SOX5: variants seen among roughly 807,000 people sequenced by gnomAD.
The protein encoded by SOX5 is transcription factor SOX-5.
A neutral mutation model predicts 92.0 loss-of-function variants in SOX5; 9 were observed. The observed-to-expected ratio is 0.10, with a 90% CI of 0.06 to 0.17. The LOEUF is 0.17. Among genes scored for constraint, SOX5 ranks in the 10% least tolerant of loss-of-function variants. The pLI, the probability that SOX5 is intolerant of heterozygous loss-of-function variation, is 1.00. For synonymous variants in SOX5, 344 were observed against 336.3 expected (o/e 1.02, Z -0.25); for missense variants, 642 against 944.5 (o/e 0.68, Z 4.20).
chr12:24,376,481 G>A (rs1245067247), intron 1 of SOX5, among the ~76,000 whole-genome samples: 2 of 151,998 alleles, frequency 1.3e-5, no homozygotes, highest in Admixed American at 1.3e-4. Flanking sequence ...ATGAATATAG[G>A]CACCAAAAAG....
chr12:24,522,937 AAAAAAGATATCC>A (rs1480397507), intron 1 of SOX5, among the ~76,000 whole-genome samples: 1 of 152,176 alleles, frequency 6.6e-6, no homozygotes, highest in Non-Finnish European at 1.5e-5. Flanking sequence ...CGTAAGGAAA[AAAAAAGATATCC>A]AAATCAGAAA....
intron 3 of SOX5, among the ~76,000 whole-genome samples, chr12:23,777,697 G>T (rs948237207): frequency 6.6e-6 from 1 of 151,802 alleles, no homozygotes; most frequent in African/African-American, 2.4e-5. Context: ...TTCCTTTACT[G>T]CAGAGTCACA....
chr12:24,481,645 A>T (rs1946011607), intron 1 of SOX5, among the ~76,000 whole-genome samples: 1 of 152,240 alleles, frequency 6.6e-6, no homozygotes, highest in African/African-American at 2.4e-5. Context: ...TCAGAGCTAC[A>T]CAATTCCTAT....
At chr12:24,225,259 G>T (rs1324624725) in intron 3 of SOX5, among the ~76,000 whole-genome samples, 1 of 152,096 alleles carries the variant, frequency 6.6e-6, no homozygotes, top group African/African-American at 2.4e-5. Flanking sequence ...AAATCAGCTT[G>T]CCTACCAGTA....
chr12:24,501,600 C>A lies in SOX5; in HGVS notation c.-251+60729G>T, dbSNP rs1023618001. Among the ~76,000 whole-genome samples the A allele has an allele frequency of 2.0e-5, 3 of 152,004 alleles. No homozygotes were observed. The South Asian group carries it at 6.2e-4, about 32-fold the overall frequency. On this transcript the variant is annotated intron_variant, in intron 1 of 4. Transcript: ENST00000446891. ...CAACACTTTGGGAGGCTGAGGTGAG[C>A]GGATTGCTTGAGGTCAGGAGTTTGA...
chr12:24,374,743 G>A (rs1957079250), intron 1 of SOX5, among the ~76,000 whole-genome samples: 1 of 152,176 alleles, frequency 6.6e-6, no homozygotes, highest in South Asian at 2.1e-4. Context: ...GAAGGACACA[G>A]AGGTCAACTC....
Position 23,970,840 on chromosome 12 carries a change from A to ATTTTTTTTTTTTTT in SOX5, c.-1-74817_-1-74816insAAAAAAAAAAAAAA. Among the ~76,000 whole-genome samples, 75 of 33,480 alleles carry ATTTTTTTTTTTTTT rather than the reference A, an allele frequency of 2.2e-3. 19 individuals are homozygous for ATTTTTTTTTTTTTT. Among genetic ancestry groups the ATTTTTTTTTTTTTT allele is most frequent in the Middle Eastern group, 0.029 (2 of 68 alleles). The allele number at this position is 33,480 out of a possible 152,430, so 22.0% of individuals were successfully genotyped here. A position where few individuals can be genotyped will look rare whatever the true frequency, so the allele number is the denominator to read the frequency against. ...CACATGGGACTTTATATATATATAT[A>ATTTTTTTTTTTTTT]ATTTTTTTTTTTTTTTAAGAAATGG... On this transcript the variant is annotated intron_variant, in intron 4 of 4. Coordinates refer to the SOX5 transcript ENST00000446891.
At chr12:24,042,497 T>C (rs1956620619) in intron 4 of SOX5, among the ~76,000 whole-genome samples, 1 of 152,120 alleles carries the variant, frequency 6.6e-6, no homozygotes, top group African/African-American at 2.4e-5. Flanking sequence ...TCAGCTATTC[T>C]GAAGTGTGAC....
intron 10 of SOX5, among the ~76,000 whole-genome samples, chr12:23,566,376 T>A (rs1476234470): frequency 6.6e-6 from 1 of 152,208 alleles, no homozygotes; most frequent in African/African-American, 2.4e-5. Context: ...CTGTTGCAAT[T>A]GGTCTCTAGT....
At chr12:24,220,579 AC>A (rs561365772) in intron 3 of SOX5, among the ~76,000 whole-genome samples, 235 of 152,298 alleles carry the variant, frequency 1.5e-3, no homozygotes, top group African/African-American at 5.5e-3. Flanking sequence ...TATTATTTAA[AC>A]GGGGCAAAAA....
chr12:24,312,260 G>C (rs1328734840), intron 2 of SOX5, among the ~76,000 whole-genome samples: 3 of 152,092 alleles, frequency 2.0e-5, no homozygotes, highest in African/African-American at 7.2e-5. Context: ...TGATCACCTA[G>C]CTCCCCTCTC....
At chr12:24,557,517 G>T (rs986449147) in intron 1 of SOX5, among the ~76,000 whole-genome samples, 1 of 152,088 alleles carries the variant, frequency 6.6e-6, no homozygotes, top group Non-Finnish European at 1.5e-5. Flanking sequence ...ACCTACAAAT[G>T]AGATAGCCTT....
At chr12:23,605,292 G>A (rs1021188075) in intron 8 of SOX5, among the ~76,000 whole-genome samples, 7 of 151,646 alleles carry the variant, frequency 4.6e-5, no homozygotes, top group African/African-American at 1.2e-4. Context: ...AATGATAGCC[G>A]TATGATGTAT....
rs913356286 is a variant in SOX5 at position 24,340,848 on chromosome 12, T to A, written c.-174+27715A>T. On this transcript the variant is annotated intron_variant, in intron 2 of 4. Coordinates refer to the SOX5 transcript ENST00000446891. ...AAGGGAAGCCTAATTGTCTGAAGGA[T>A]TTTTTGTTGTTGTTGTTAGTTCATT... Among the ~76,000 whole-genome samples, 34 of 152,300 alleles carry A rather than the reference T, an allele frequency of 2.2e-4. 1 individual carries two copies. The highest frequency in any genetic ancestry group is 1.7e-3 in the East Asian group (9 of 5,178).
intron 4 of SOX5, among the ~76,000 whole-genome samples, chr12:24,090,736 C>T (rs1033212424): frequency 4.6e-5 from 7 of 152,170 alleles, no homozygotes; most frequent in South Asian, 2.1e-4. Flanking sequence ...ATAGTACTTT[C>T]AGGGTAATTG....
At chr12:23,796,458 T>C (rs1003608864) in intron 3 of SOX5, among the ~76,000 whole-genome samples, 6 of 152,104 alleles carry the variant, frequency 3.9e-5, no homozygotes, top group African/African-American at 1.4e-4. Context: ...ATAGCTGAGT[T>C]GCATAGCTAA....
At chr12:24,557,185 C>T (rs1176194325) in intron 1 of SOX5, among the ~76,000 whole-genome samples, 1 of 151,936 alleles carries the variant, frequency 6.6e-6, no homozygotes, top group Non-Finnish European at 1.5e-5. Flanking sequence ...GTCAGGAGAT[C>T]GAGACCACTC....
chr12:23,998,699 G>A (rs1951277288), intron 4 of SOX5, among the ~76,000 whole-genome samples: 1 of 151,344 alleles, frequency 6.6e-6, no homozygotes, highest in South Asian at 2.1e-4. Flanking sequence ...CTCCTTGGGA[G>A]GCTGAGGCAG....
At chr12:24,310,322 A>G (rs1049347249) in intron 2 of SOX5, among the ~76,000 whole-genome samples, 2 of 152,206 alleles carry the variant, frequency 1.3e-5, no homozygotes, top group African/African-American at 4.8e-5. Context: ...TATGAATGTT[A>G]CATGTGTTAT....
Sources: gnomAD v4.1 joint callset for allele counts (sites outside exome capture counted in the v4.1 genomes callset) on GRCh38, gnomAD v4.1.1 for gene constraint, MANE v1.5 for transcripts, NCBI Gene and HGNC (gene_info 2026-07-23, HGNC 2026-07-21) for gene names.